The following RNF182 variants were observed in gnomAD, a reference collection of about 807,000 sequenced individuals.
The protein encoded by RNF182 is E3 ubiquitin-protein ligase RNF182.
A neutral mutation model predicts 14.4 loss-of-function variants in RNF182; 15 were observed. The observed-to-expected ratio is 1.04, with a 90% CI of 0.70 to 1.60. RNF182 has a LOEUF of 1.60. Among genes scored for constraint, RNF182 ranks in the 40% most tolerant of loss-of-function variants. The probability of loss-of-function intolerance (pLI) is 0.00; values close to 1 mark genes in which losing one functional copy is unlikely to be tolerated. For synonymous variants in RNF182, 128 were observed against 122.9 expected, an observed-to-expected ratio of 1.04 and a Z score of -0.27; for missense variants, 268 against 294.8, an observed-to-expected ratio of 0.91 and a Z score of 0.67.
intron 1 of RNF182, among the ~76,000 whole-genome samples, chr6:13,967,316 A>G (rs1585045909): frequency 6.6e-6 from 1 of 152,218 alleles, no homozygotes; most frequent in African/African-American, 2.4e-5. Context: ...TATAATGACA[A>G]AAAGAGGCAG....
chr6:13,979,384 TA>T lies in RNF182; in HGVS notation c.*1523del, dbSNP rs1381929441. Reference sequence around the variant, plus strand: ...AAAGGGGGCATTACTAAGACGACTTTAACTTGTTATGAAATCTTTGTTGTGT... The same window carrying T: ...AAAGGGGGCATTACTAAGACGACTTTACTTGTTATGAAATCTTTGTTGTGT... On this transcript the variant is annotated 3_prime_UTR_variant, in exon 3 of 3. Transcript: ENST00000488300. 1 of 167,076 alleles carries T rather than the reference TA, an allele frequency of 6.0e-6. No individual in the cohort carries two copies. Among genetic ancestry groups the T allele is most frequent in the Admixed American group, 6.5e-5 (1 of 15,284 alleles). 10.3% of individuals were successfully genotyped at this position (167,076 alleles called of 1,614,324 possible). A position where few individuals can be genotyped will look rare whatever the true frequency, so the allele number is the denominator to read the frequency against.
chr6:13,954,434 C>T (rs935291939), intron 1 of RNF182, among the ~76,000 whole-genome samples: 36 of 152,208 alleles, frequency 2.4e-4, no homozygotes, highest in African/African-American at 8.2e-4. Context: ...GGCTTTTAGT[C>T]TATAGCAAGC....
rs201559165 is a variant in RNF182 at position 13,954,568 on chromosome 6, A to AT, written c.-366-19632dup. On this transcript the variant is annotated intron_variant, in intron 1 of 2. Transcript: ENST00000488300. ...TAAATTTAAATTTAAATTAAATTAAATTTTTTTTTTAGCTCTTTGGGTATC... is the reference window on the plus strand; with the variant it reads ...TAAATTTAAATTTAAATTAAATTAAATTTTTTTTTTTAGCTCTTTGGGTATC... Among the ~76,000 whole-genome samples, 182 of 150,414 alleles carry AT rather than the reference A, an allele frequency of 1.2e-3. 1 individual carries two copies. Among genetic ancestry groups the AT allele is most frequent in the South Asian group, 2.1e-3 (10 of 4,740 alleles).
At chr6:13,960,699 G>A (rs1471677214) in intron 1 of RNF182, among the ~76,000 whole-genome samples, 12 of 151,524 alleles carry the variant, frequency 7.9e-5, no homozygotes, top group Non-Finnish European at 1.5e-4. Context: ...GTGTGCGCGC[G>A]TGCACATGCA....
At chr6:13,941,701 CT>C (rs1450799433) in intron 1 of RNF182, among the ~76,000 whole-genome samples, 10 of 151,830 alleles carry the variant, frequency 6.6e-5, no homozygotes, top group Non-Finnish European at 1.5e-4. Flanking sequence ...GTGTTTTACT[CT>C]TTTGACTGTT....
rs753945617 is a variant in RNF182, at chr6:13,977,711, C to A, written c.592C>A (p.Pro198Thr). The A allele has an allele frequency of 1.1e-5, 18 of 1,614,172 alleles. No homozygotes were observed. In the East Asian group the frequency reaches 3.1e-4, roughly 28 times the overall value. The change falls in exon 3 of 3, where the codon CCC (proline) becomes ACC (threonine). Residue 198 changes from proline to threonine, a missense_variant. By Grantham distance (38) the Pro-to-Thr change is conservative. Coordinates refer to ENST00000488300, the MANE Select transcript of RNF182 (RefSeq NM_152737.4). ...AGGTTTGCTCTACTTCAGCTCCTTA[C>A]CCTTAGGAATCTACTTACTGGTGTC... is the stretch of plus-strand genomic sequence containing the variant. Reference protein sequence around the residue: ...LLGLLYFSSLPLGIYLLVSKK... With the variant: ...LLGLLYFSSLTLGIYLLVSKK...
Position 13,951,976 on chromosome 6 carries a change from T to A in RNF182, c.-366-22234T>A, listed in dbSNP as rs563198118. Reference sequence around the variant, plus strand: ...GCTCAAACTTGCCCCTTTTGGCCCCTGCCTGTCATCTTTGATCCACTTAAA... The same window carrying A: ...GCTCAAACTTGCCCCTTTTGGCCCCAGCCTGTCATCTTTGATCCACTTAAA... On this transcript the variant is annotated intron_variant, in intron 1 of 2. Coordinates refer to ENST00000488300, the MANE Select transcript of RNF182 (RefSeq NM_152737.4). Among the ~76,000 whole-genome samples, 14 of 152,322 alleles carry A rather than the reference T, an allele frequency of 9.2e-5. No homozygotes were observed. The South Asian group carries it at 2.9e-3, about 32-fold the overall frequency.
chr6:13,943,875 G>C lies in RNF182; in HGVS notation c.-367+18852G>C, dbSNP rs542874509. Among the ~76,000 whole-genome samples the C allele has an allele frequency of 2.6e-5, 4 of 152,326 alleles. No individual in the cohort carries two copies. The East Asian group carries it at 7.7e-4, about 29-fold the overall frequency. On this transcript the variant is annotated intron_variant, in intron 1 of 2. Coordinates refer to ENST00000488300, the MANE Select transcript of RNF182 (RefSeq NM_152737.4). Reference sequence around the variant, plus strand: ...AACAAAAGGTACTAAAAGACATTAAGGGTGATTTGTATGTGTAGTTAGGCA... The same window carrying C: ...AACAAAAGGTACTAAAAGACATTAACGGTGATTTGTATGTGTAGTTAGGCA...
At chr6:13,935,606 C>A (rs1759088202) in intron 1 of RNF182, among the ~76,000 whole-genome samples, 1 of 152,148 alleles carries the variant, frequency 6.6e-6, no homozygotes, top group South Asian at 2.1e-4. Context: ...GAAGTCAGAA[C>A]ATTTGATGAT....
intron 1 of RNF182, among the ~76,000 whole-genome samples, chr6:13,973,980 AGT>A (rs1177417998): frequency 1.3e-5 from 2 of 152,220 alleles, no homozygotes; most frequent in African/African-American, 4.8e-5. Context: ...TTTTGACAGA[AGT>A]GAAGGCAGGT....
At chr6:13,928,950 A>T (rs1758901638) in intron 1 of RNF182, among the ~76,000 whole-genome samples, 1 of 152,062 alleles carries the variant, frequency 6.6e-6, no homozygotes, top group Non-Finnish European at 1.5e-5. Context: ...ATCTCTTTTA[A>T]CACTTTATGG....
chr6:13,960,577 G>T (rs1360189640), intron 1 of RNF182, among the ~76,000 whole-genome samples: 2 of 152,134 alleles, frequency 1.3e-5, no homozygotes, highest in East Asian at 3.9e-4. Flanking sequence ...AATCACAAAT[G>T]TATTGATGAA....
Position 13,977,579 on chromosome 6 carries a change from A to G in RNF182, c.460A>G (p.Arg154Gly). Residue 154 changes from arginine to glycine, a missense_variant, in exon 3 of 3, where the codon AGG becomes GGG. Coordinates refer to ENST00000488300, the MANE Select transcript of RNF182 (RefSeq NM_152737.4). ...LSSTPVVEFY[R>G]PASFDSVTTV... is the part of the protein sequence containing the mutation. The stretch of plus-strand genomic sequence containing the variant: ...CTCCACTCCTGTGGTAGAATTTTAT[A>G]GGCCTGCGAGTTTCGACTCTGTCAC... 1 of 1,614,172 alleles carries G rather than the reference A, an allele frequency of 6.2e-7. No homozygotes were observed. The highest frequency in any genetic ancestry group is 8.5e-7 in the Non-Finnish European group (1 of 1,180,022).
At chr6:13,949,531 G>T in intron 1 of RNF182, 1 of 521,182 alleles carries the variant, frequency 1.9e-6, no homozygotes, top group Non-Finnish European at 3.5e-6. Context: ...AGCAATTGAG[G>T]GAATCTGTGT....
intron 1 of RNF182, among the ~76,000 whole-genome samples, chr6:13,965,592 C>T (rs1760003467): frequency 6.6e-6 from 1 of 152,132 alleles, no homozygotes; most frequent in South Asian, 2.1e-4. Flanking sequence ...GAGCAAATTA[C>T]TTACCATGAA....
intron 1 of RNF182, among the ~76,000 whole-genome samples, chr6:13,940,953 T>G (rs1038490342): frequency 1.3e-5 from 2 of 152,160 alleles, no homozygotes; most frequent in Admixed American, 6.5e-5. Context: ...TTTAGTCTTT[T>G]TTTTTGAGAC....
In RNF182 at chr6:13,977,092, T is replaced by G. The variant is rs200190514; in HGVS notation, c.-28T>G. On this transcript the variant is annotated 5_prime_UTR_variant, in exon 3 of 3. Transcript: ENST00000488300. ...AAGCCATTCTTCAACAAGACCCACC[T>G]GGCATAAGATTGCACACATAATTCA... The G allele has an allele frequency of 6.3e-7, 1 of 1,583,308 alleles. No individual in the cohort carries two copies. The highest frequency in any genetic ancestry group is 8.6e-7 in the Non-Finnish European group (1 of 1,162,690).
intron 1 of RNF182, among the ~76,000 whole-genome samples, chr6:13,937,177 G>A (rs186526883): frequency 6.6e-6 from 1 of 152,224 alleles, no homozygotes; most frequent in African/African-American, 2.4e-5. Context: ...TGTTATTGAA[G>A]GTTAACATAC....
intron 1 of RNF182, among the ~76,000 whole-genome samples, chr6:13,970,924 T>G (rs1456123502): frequency 6.6e-6 from 1 of 152,146 alleles, no homozygotes; most frequent in East Asian, 1.9e-4. Context: ...CCTTTTTCGT[T>G]TTCTATTTCC....
Sources: gnomAD v4.1 joint callset for allele counts (sites outside exome capture counted in the v4.1 genomes callset) on GRCh38, gnomAD v4.1.1 for gene constraint, MANE v1.5 for transcripts, NCBI Gene and HGNC (gene_info 2026-07-23, HGNC 2026-07-21) for gene names.